The following ZRANB3 variants were observed in gnomAD, a reference collection of about 807,000 sequenced individuals.
The protein encoded by ZRANB3 is zinc finger RANBP2-type containing 3.
In ZRANB3, 125 loss-of-function variants were observed where a neutral mutation model predicts 133.8. The observed-to-expected ratio is 0.93, with a 90% CI of 0.81 to 1.08. The LOEUF (loss-of-function observed/expected upper bound fraction) is 1.08. ZRANB3 is among the 50% of genes least tolerant of loss of function. The pLI is 0.00. For synonymous variants in ZRANB3, 387 were observed against 432.7 expected, an observed-to-expected ratio of 0.89 and a Z score of 1.31; for missense variants, 1,229 against 1,275.5, an observed-to-expected ratio of 0.96 and a Z score of 0.56.
intron 1 of ZRANB3, among the ~76,000 whole-genome samples, chr2:135,509,051 T>A (rs529957915): frequency 8.0e-4 from 122 of 151,964 alleles, no homozygotes; most frequent in African/African-American, 2.7e-3. Context: ...TAAAAAAAAA[T>A]TTTCTTCCAG....
At chr2:135,219,055 T>C (rs1476783063) in intron 16 of ZRANB3, 22 bp downstream of exon 16, 10 of 1,380,546 alleles carry the variant, frequency 7.2e-6, no homozygotes, top group Non-Finnish European at 9.5e-6. Flanking sequence ...AATAAAGCCA[T>C]TTTATTTAAA....
chr2:135,330,473 T>G (rs922874643), intron 6 of ZRANB3, among the ~76,000 whole-genome samples: 3 of 152,212 alleles, frequency 2.0e-5, no homozygotes, highest in African/African-American at 7.2e-5. Context: ...TATTAAGGAT[T>G]TTCGCATCGA....
At chr2:135,455,455 T>C (rs1029433744) in intron 2 of ZRANB3, among the ~76,000 whole-genome samples, 1 of 151,822 alleles carries the variant, frequency 6.6e-6, no homozygotes, top group African/African-American at 2.4e-5. Context: ...CCCAAAGTGG[T>C]GGGATTACAG....
At chr2:135,523,707 AG>A (rs1345899875) in intron 1 of ZRANB3, among the ~76,000 whole-genome samples, 1 of 152,234 alleles carries the variant, frequency 6.6e-6, no homozygotes, top group African/African-American at 2.4e-5. Context: ...AATCTGCCCA[AG>A]GTAACACAAG....
At chr2:135,259,569 C>T (rs10203577) in intron 12 of ZRANB3, among the ~76,000 whole-genome samples, 4,024 of 152,202 alleles carry the variant, frequency 0.026, 169 homozygotes, top group African/African-American at 0.091. Flanking sequence ...CAGGCATGTG[C>T]CACCACGCCC....
intron 12 of ZRANB3, among the ~76,000 whole-genome samples, chr2:135,250,496 A>C (rs1679337400): frequency 6.6e-6 from 1 of 152,194 alleles, no homozygotes; most frequent in African/African-American, 2.4e-5. Flanking sequence ...CCTTCATGGT[A>C]GGCCCTCCCG....
At chr2:135,317,708 C>G (rs1255763652) in intron 6 of ZRANB3, among the ~76,000 whole-genome samples, 1 of 152,172 alleles carries the variant, frequency 6.6e-6, no homozygotes, top group Non-Finnish European at 1.5e-5. Context: ...GTGAGGATTT[C>G]CTCACTGCTC....
At chr2:135,386,590 C>T (rs1161074435) in intron 3 of ZRANB3, among the ~76,000 whole-genome samples, 3 of 152,154 alleles carry the variant, frequency 2.0e-5, no homozygotes, top group African/African-American at 7.2e-5. Context: ...TTGGAACCAA[C>T]CCAAATGTCC....
chr2:135,355,376 T>C, intron 3 of ZRANB3: 1 of 687,246 alleles, frequency 1.5e-6, no homozygotes, highest in Non-Finnish European at 1.8e-6. Context: ...TTTTTTTTTT[T>C]TTAAGACGGA....
chr2:135,390,673 C>A, intron 3 of ZRANB3, 129 bp downstream of exon 3: 1 of 1,332,628 alleles, frequency 7.5e-7, no homozygotes, highest in Non-Finnish European at 1.0e-6. Context: ...ACCCTCCCAT[C>A]TTTCTCTCTC....
chr2:135,271,201 G>T, intron 10 of ZRANB3: 1 of 406,996 alleles, frequency 2.5e-6, no homozygotes, highest in South Asian at 1.9e-5. Context: ...TAGGTCCTAA[G>T]GACTTTGTGC....
intron 12 of ZRANB3, among the ~76,000 whole-genome samples, chr2:135,241,383 C>A (rs1351628992): frequency 7.1e-6 from 1 of 140,124 alleles, no homozygotes; most frequent in Admixed American, 7.2e-5. Flanking sequence ...TTTTTTTTTA[C>A]CGTATTCTCA....
At position 135,230,251 on chromosome 2, in the gene ZRANB3, A is replaced by G. The variant is rs183270901; in HGVS notation, c.1954+262T>C. On this transcript the variant is annotated intron_variant, in intron 13 of 20. Transcript: ENST00000264159. The stretch of plus-strand genomic sequence containing the variant: ...CTCACTGAATTCATATCCTGCTGAC[A>G]TTAATCAGAAATGTCCATTTGTGCC... Among the ~76,000 whole-genome samples, 41 of 152,354 alleles carry G rather than the reference A, an allele frequency of 2.7e-4. No individual in the cohort carries two copies. In the East Asian group the frequency reaches 7.9e-3, roughly 29 times the overall value.
intron 2 of ZRANB3, 67 bp downstream of exon 2, chr2:135,504,262 C>T (rs752545422): frequency 7.0e-6 from 11 of 1,581,412 alleles, no homozygotes; most frequent in Non-Finnish European, 9.5e-6. Context: ...AAAGTTTGAA[C>T]AGAACTTTGT....
chr2:135,461,954 A>G (rs1690784442), intron 2 of ZRANB3, among the ~76,000 whole-genome samples: 1 of 152,218 alleles, frequency 6.6e-6, no homozygotes, highest in South Asian at 2.1e-4. Context: ...CTAGCCTGGA[A>G]AAGACTAATT....
Position 135,207,443 on chromosome 2 carries a change from T to C in ZRANB3, c.3000A>G (p.Pro1000=). The C allele has an allele frequency of 6.2e-6, 10 of 1,609,458 alleles. No homozygotes were observed. Among genetic ancestry groups the C allele is most frequent in the Non-Finnish European group, 8.5e-6 (10 of 1,177,568 alleles). Residue 1000 remains proline, a synonymous_variant, in exon 19 of 21, where the codon CCA becomes CCG. Coordinates refer to ENST00000264159, the MANE Select transcript of ZRANB3 (RefSeq NM_032143.4). ...CATGATTATAACTTACCTGTTCTAA[T>C]GGGAGCTTTGAAGTCCAGGTAGCAT... is the stretch of plus-strand genomic sequence containing the variant. ...LLYATWTSKL[P]LEQLNEMIRN...
chr2:135,369,365 T>C (rs1011608603), intron 3 of ZRANB3, among the ~76,000 whole-genome samples: 2 of 152,144 alleles, frequency 1.3e-5, no homozygotes, highest in African/African-American at 4.8e-5. Flanking sequence ...TATTAATAGT[T>C]TGTTTCTAAA....
intron 8 of ZRANB3, among the ~76,000 whole-genome samples, chr2:135,285,929 A>C (rs1238808848): frequency 1.3e-5 from 2 of 152,230 alleles, no homozygotes; most frequent in African/African-American, 4.8e-5. Context: ...AAGCAACAAA[A>C]ATAATGATAT....
At position 135,480,609 on chromosome 2, in the gene ZRANB3, T is replaced by A. The variant is rs370418605; in HGVS notation, c.161+23720A>T. Among the ~76,000 whole-genome samples the A allele has an allele frequency of 9.2e-5, 14 of 152,192 alleles. No homozygotes were observed. The East Asian group carries it at 2.3e-3, about 25-fold the overall frequency. The stretch of plus-strand genomic sequence containing the variant: ...TAAATACTACAAAGGTTTTTTTTAA[T>A]CTTTTATTATTATTATTATTATACT... On this transcript the variant is annotated intron_variant, in intron 2 of 20. Coordinates refer to ENST00000264159, the MANE Select transcript of ZRANB3 (RefSeq NM_032143.4).
Sources: gnomAD v4.1 joint callset for allele counts (sites outside exome capture counted in the v4.1 genomes callset) on GRCh38, gnomAD v4.1.1 for gene constraint, MANE v1.5 for transcripts, NCBI Gene and HGNC (gene_info 2026-07-23, HGNC 2026-07-21) for gene names.